The following WDTC1 variants were observed in gnomAD, a reference collection of about 807,000 sequenced individuals.
WDTC1 encodes WD and tetratricopeptide repeats 1, also known as WD and tetratricopeptide repeats protein 1.
Under a neutral mutation model 76.0 loss-of-function variants are expected in WDTC1, and 12 were observed. That is an observed-to-expected ratio of 0.16 (90% confidence interval 0.10 to 0.26). WDTC1 has a LOEUF of 0.26. WDTC1 is among the 10% of genes least tolerant of loss of function. WDTC1 has a pLI of 1.00. For missense variants in WDTC1, 511 were observed against 908.8 expected (o/e 0.56, Z 5.63); for synonymous variants, 326 against 350.8 (o/e 0.93, Z 0.79).
intron 1 of WDTC1, among the ~76,000 whole-genome samples, chr1:27,253,392 C>CTTCTTCTT (rs1165596339): frequency 1.5e-5 from 1 of 68,706 alleles, no homozygotes; most frequent in African/African-American, 8.6e-5. Context: ...TTCTTCTTCC[C>CTTCTTCTT]CTCCCCCTCC....
At chr1:27,292,757 CTTTTTTT>C (rs1304057627) in intron 7 of WDTC1, among the ~76,000 whole-genome samples, 3 of 113,462 alleles carry the variant, frequency 2.6e-5, no homozygotes, top group East Asian at 2.4e-4. Flanking sequence ...TATTGTTTTA[CTTTTTTT>C]TTTTTTTTTT....
intron 1 of WDTC1, among the ~76,000 whole-genome samples, chr1:27,251,483 A>G (rs1355050058): frequency 6.6e-6 from 1 of 151,972 alleles, no homozygotes; most frequent in Non-Finnish European, 1.5e-5. Flanking sequence ...TCCTTAATTC[A>G]TTGAGTATCT....
chr1:27,263,007 G>A (rs2012532557), intron 2 of WDTC1, 145 bp from the exon 3 acceptor site: 1 of 687,688 alleles, frequency 1.5e-6, no homozygotes, highest in African/African-American at 1.8e-5. Context: ...CCTTGCCCCA[G>A]AATAATACAA....
intron 1 of WDTC1, among the ~76,000 whole-genome samples, chr1:27,258,683 C>T (rs918349782): frequency 3.3e-5 from 5 of 152,036 alleles, no homozygotes; most frequent in Non-Finnish European, 5.9e-5. Flanking sequence ...TTTTTATTGT[C>T]CTACTGCATG....
At chr1:27,239,852 T>G (rs116695353) in intron 1 of WDTC1, among the ~76,000 whole-genome samples, 5,241 of 149,136 alleles carry the variant, frequency 0.035, 129 homozygotes, top group Middle Eastern at 0.053. Flanking sequence ...AAAACTAACA[T>G]GTATTGAATA....
intron 3 of WDTC1, among the ~76,000 whole-genome samples, chr1:27,269,426 G>C (rs1405784270): frequency 6.6e-6 from 1 of 151,178 alleles, no homozygotes; most frequent in Non-Finnish European, 1.5e-5. Flanking sequence ...CAGTTCAAGA[G>C]AACAATTAGT....
intron 1 of WDTC1, among the ~76,000 whole-genome samples, chr1:27,236,272 T>C (rs906342853): frequency 1.3e-5 from 2 of 152,240 alleles, no homozygotes; most frequent in East Asian, 1.9e-4. Flanking sequence ...GAGTAACTAG[T>C]TGGGCTCCTT....
chr1:27,247,968 T>G (rs1570939588), intron 1 of WDTC1, among the ~76,000 whole-genome samples: 1 of 152,184 alleles, frequency 6.6e-6, no homozygotes, highest in Non-Finnish European at 1.5e-5. Context: ...TCTGCCCGCC[T>G]CGGCCTCCCA....
Position 27,306,082 on chromosome 1 carries a change from A to G in WDTC1, c.1837-104A>G, listed in dbSNP as rs555317773. On this transcript the variant is annotated intron_variant, in intron 15 of 15. Coordinates refer to ENST00000319394, the MANE Select transcript of WDTC1 (RefSeq NM_001276252.2). The surrounding 1 kb of genome is among the most constrained non-coding windows in gnomAD (Gnocchi z 5.0). ...CTGGCATGTATGTGTACCTCCCCCT[A>G]TAGATAGTTTAGTCTGTGTATTTCC... 21 of 1,271,584 alleles carry G rather than the reference A, an allele frequency of 1.7e-5. No homozygotes were observed. The highest frequency in any genetic ancestry group is 5.8e-5 in the Admixed American group (3 of 51,814). The allele number at this position is 1,271,584 out of a possible 1,614,324, so 78.8% of individuals were successfully genotyped here. A position where few individuals can be genotyped will look rare whatever the true frequency, so the allele number is the denominator to read the frequency against.
chr1:27,238,025 T>G (rs1557471910), intron 1 of WDTC1, among the ~76,000 whole-genome samples: 2 of 152,212 alleles, frequency 1.3e-5, no homozygotes, highest in African/African-American at 4.8e-5. Flanking sequence ...GCTAGTATTT[T>G]TACTTTATCC....
intron 1 of WDTC1, among the ~76,000 whole-genome samples, chr1:27,257,935 C>T (rs1451468963): frequency 3.3e-5 from 5 of 152,052 alleles, no homozygotes; most frequent in Admixed American, 2.6e-4. Context: ...GGACTACAGG[C>T]GTGTGCCACC....
chr1:27,289,195 G>T, intron 6 of WDTC1, among the ~76,000 whole-genome samples: 1 of 149,044 alleles, frequency 6.7e-6, no homozygotes, highest in East Asian at 2.0e-4. Context: ...GGGGCGGCTG[G>T]CCGGGCAGAG....
At chr1:27,270,513 T>C (rs2012835723) in intron 3 of WDTC1, among the ~76,000 whole-genome samples, 1 of 152,058 alleles carries the variant, frequency 6.6e-6, no homozygotes, top group Admixed American at 6.6e-5. Flanking sequence ...GCTAACACGG[T>C]GAAACCCTGT....
Position 27,305,313 on chromosome 1 carries a change from T to C in WDTC1, c.1836+120T>C. The C allele has an allele frequency of 8.0e-7, 1 of 1,255,054 alleles. No homozygotes were observed. The highest frequency in any genetic ancestry group is 1.1e-6 in the Non-Finnish European group (1 of 935,318). 77.7% of individuals were successfully genotyped at this position (1,255,054 alleles called of 1,614,324 possible). ...GAGGCTAGAAGCTGCTAAGTAAGCC[T>C]TACCCCGGGGCCCAAGGCTGTGTTC... On this transcript the variant is annotated intron_variant, in intron 15 of 15. Transcript: ENST00000319394. This position sits in a 1 kb window ranked among gnomAD's most constrained non-coding sequence, Gnocchi z 4.6.
intron 3 of WDTC1, among the ~76,000 whole-genome samples, chr1:27,277,727 T>C (rs1356565326): frequency 1.3e-5 from 2 of 152,232 alleles, no homozygotes; most frequent in African/African-American, 2.4e-5. Flanking sequence ...TGCTGTAGCA[T>C]TGTAGTAAGT....
At chr1:27,268,268 CCT>C (rs141527121) in intron 3 of WDTC1, among the ~76,000 whole-genome samples, 8,278 of 152,034 alleles carry the variant, frequency 0.054, 790 homozygotes, top group African/African-American at 0.19. Flanking sequence ...TGGCAAGACC[CCT>C]GTCTCTATAC....
At chr1:27,247,345 C>G (rs978640306) in intron 1 of WDTC1, among the ~76,000 whole-genome samples, 1 of 152,154 alleles carries the variant, frequency 6.6e-6, no homozygotes, top group African/African-American at 2.4e-5. Context: ...ATGTGAGCCA[C>G]TGTGCCCAGC....
intron 6 of WDTC1, among the ~76,000 whole-genome samples, 194 bp downstream of exon 6, chr1:27,288,055 T>G (rs1217245362): frequency 1.3e-5 from 2 of 152,264 alleles, no homozygotes; most frequent in East Asian, 1.9e-4. Context: ...CTCTTTGCCC[T>G]CCTTTGTACT....
intron 1 of WDTC1, among the ~76,000 whole-genome samples, chr1:27,252,177 C>A (rs2012091340): frequency 6.6e-6 from 1 of 151,820 alleles, no homozygotes; most frequent in African/African-American, 2.4e-5. Flanking sequence ...GAGGTCATGT[C>A]TCTACAAAAA....
Sources: gnomAD v4.1 joint callset for allele counts (sites outside exome capture counted in the v4.1 genomes callset) on GRCh38, gnomAD v4.1.1 for gene constraint, Gnocchi (gnomAD v3.1) non-coding constraint, MANE v1.5 for transcripts, NCBI Gene and HGNC (gene_info 2026-07-23, HGNC 2026-07-21) for gene names.